Variants in SNTB1 observed in about 807,000 individuals in gnomAD.
The protein encoded by SNTB1 is beta-1-syntrophin.
Under a neutral mutation model 48.9 loss-of-function variants are expected in SNTB1, and 36 were observed. That is an observed-to-expected ratio of 0.74 (90% CI 0.56 to 0.97). SNTB1 has a LOEUF of 0.97. Among genes scored for constraint, SNTB1 ranks in the 50% least tolerant of loss-of-function variants. The probability of loss-of-function intolerance (pLI) is 0.00; values close to 1 mark genes in which losing one functional copy is unlikely to be tolerated. For synonymous variants in SNTB1, 299 were observed against 294.6 expected (o/e 1.01, Z -0.15); for missense variants, 786 against 703.4 (o/e 1.12, Z -1.33).
chr8:120,551,708 AGAGT>A (rs1471602158), intron 4 of SNTB1, among the ~76,000 whole-genome samples: 16 of 142,506 alleles, frequency 1.1e-4, no homozygotes, highest in Non-Finnish European at 2.1e-4. Context: ...CCTGAGCGAC[AGAGT>A]GAGACTCCAT....
Position 120,811,689 on chromosome 8 carries a change from T to C in SNTB1, c.155A>G (p.Glu52Gly). ...GATGCCGTTGTACGCCGCAGCGCCC[T>C]CCTCGCTGCTCAGAACCAGGGCGTC... ...SEDALVLSSE[E>G]GAAAYNGIGT... is the part of the protein sequence containing the mutation. Residue 52 changes from glutamate (E) to glycine (G), a missense_variant, in exon 1 of 7, where the codon GAG (glutamate) becomes GGG (glycine). Coordinates refer to ENST00000517992, the MANE Select transcript of SNTB1 (RefSeq NM_021021.4). The C allele has an allele frequency of 6.3e-7, 1 of 1,588,370 alleles. No individual in the cohort carries two copies. The highest frequency in any genetic ancestry group is 8.5e-7 in the Non-Finnish European group (1 of 1,171,450).
intron 1 of SNTB1, among the ~76,000 whole-genome samples, chr8:120,770,184 C>A (rs1819596572): frequency 2.0e-5 from 3 of 152,130 alleles, no homozygotes; most frequent in Admixed American, 2.0e-4. Flanking sequence ...GACTGTGATG[C>A]CTTCTCCTAT....
chr8:120,782,940 G>C (rs1819854128), intron 1 of SNTB1, among the ~76,000 whole-genome samples: 1 of 152,140 alleles, frequency 6.6e-6, no homozygotes, highest in Non-Finnish European at 1.5e-5. Context: ...TTCATGCACT[G>C]GTCTTTATAC....
At chr8:120,774,261 G>A (rs1819692629) in intron 1 of SNTB1, among the ~76,000 whole-genome samples, 1 of 152,206 alleles carries the variant, frequency 6.6e-6, no homozygotes, top group African/African-American at 2.4e-5. Flanking sequence ...GAGAAAAGAT[G>A]CAGAGGCATT....
chr8:120,564,117 A>G (rs1040109387), intron 4 of SNTB1, among the ~76,000 whole-genome samples: 1 of 151,850 alleles, frequency 6.6e-6, no homozygotes, highest in Non-Finnish European at 1.5e-5. Flanking sequence ...TCAAACAAAA[A>G]AAAAAAAAAA....
At chr8:120,649,587 A>C in intron 2 of SNTB1, among the ~76,000 whole-genome samples, 1 of 143,522 alleles carries the variant, frequency 7.0e-6, no homozygotes. Flanking sequence ...AGACAGGGAC[A>C]TTTAAGTCTG....
At position 120,720,531 on chromosome 8, in the gene SNTB1, C is replaced by T. The variant is rs117661236; in HGVS notation, c.572-26623G>A. ...TTCAATTACTGGCTCAAGTGGACAA[C>T]TCAAATTACCGGCTTTCCCTTTCTG... On this transcript the variant is annotated intron_variant, in intron 1 of 6. Coordinates refer to ENST00000517992, the MANE Select transcript of SNTB1 (RefSeq NM_021021.4). Among the ~76,000 whole-genome samples the T allele has an allele frequency of 1.6e-4, 24 of 152,302 alleles. No homozygotes were observed. In the East Asian group the frequency reaches 4.4e-3, roughly 28 times the overall value.
At chr8:120,738,531 C>CCCTT (rs751258128) in intron 1 of SNTB1, among the ~76,000 whole-genome samples, 15 of 122,092 alleles carry the variant, frequency 1.2e-4, no homozygotes, top group Non-Finnish European at 2.0e-4. Flanking sequence ...CTACCTACCT[C>CCCTT]CCTTCCTTCC....
intron 2 of SNTB1, chr8:120,636,036 TA>T: frequency 1.0e-6 from 1 of 994,436 alleles, no homozygotes; most frequent in Non-Finnish European, 1.4e-6. Flanking sequence ...TACTGAGTTC[TA>T]AAGAACTCAA....
At chr8:120,566,320 A>G (rs1181212819) in intron 4 of SNTB1, among the ~76,000 whole-genome samples, 3 of 116,810 alleles carry the variant, frequency 2.6e-5, no homozygotes, top group Non-Finnish European at 5.0e-5. Flanking sequence ...CAAGAGCAAG[A>G]CTCTGTCTCA....
intron 3 of SNTB1, among the ~76,000 whole-genome samples, chr8:120,608,065 A>G (rs1450711355): frequency 1.3e-5 from 2 of 152,230 alleles, no homozygotes; most frequent in Non-Finnish European, 2.9e-5. Context: ...TATCATAAAC[A>G]TTGAACAGCG....
chr8:120,773,920 T>C (rs542364836), intron 1 of SNTB1, among the ~76,000 whole-genome samples: 88 of 152,372 alleles, frequency 5.8e-4, no homozygotes, highest in African/African-American at 2.1e-3. Flanking sequence ...TGCAATTTTC[T>C]ATGTAAAATT....
chr8:120,661,486 G>T (rs752331646), intron 2 of SNTB1, among the ~76,000 whole-genome samples: 1 of 151,988 alleles, frequency 6.6e-6, no homozygotes, highest in African/African-American at 2.4e-5. Flanking sequence ...AATTATTTTT[G>T]ATTTTTATTT....
intron 1 of SNTB1, among the ~76,000 whole-genome samples, chr8:120,742,095 T>G (rs1347348544): frequency 1.3e-5 from 2 of 152,164 alleles, no homozygotes; most frequent in African/African-American, 4.8e-5. Context: ...ATGGGCTGGA[T>G]GAACAACTGT....
intron 2 of SNTB1, among the ~76,000 whole-genome samples, chr8:120,676,653 C>A (rs114982356): frequency 6.6e-6 from 1 of 152,198 alleles, no homozygotes. Flanking sequence ...GTGTACTTCT[C>A]ACCCTATGAA....
At chr8:120,745,023 A>G (rs1241786117) in intron 1 of SNTB1, among the ~76,000 whole-genome samples, 1 of 151,768 alleles carries the variant, frequency 6.6e-6, no homozygotes, top group African/African-American at 2.4e-5. Context: ...GGCTTCATTA[A>G]CCAGTCTTGC....
chr8:120,719,869 C>T (rs1005045772), intron 1 of SNTB1, among the ~76,000 whole-genome samples: 2 of 152,200 alleles, frequency 1.3e-5, no homozygotes, highest in African/African-American at 4.8e-5. Flanking sequence ...TGAACCTAAC[C>T]TTTCTGTCTC....
intron 1 of SNTB1, among the ~76,000 whole-genome samples, chr8:120,808,930 A>G (rs775723726): frequency 6.6e-6 from 1 of 152,190 alleles, no homozygotes; most frequent in Non-Finnish European, 1.5e-5. Flanking sequence ...TGCTATATAA[A>G]TGTACCTTTA....
intron 3 of SNTB1, among the ~76,000 whole-genome samples, chr8:120,620,347 A>T (rs900016153): frequency 1.3e-5 from 2 of 152,072 alleles, no homozygotes; most frequent in African/African-American, 4.8e-5. Context: ...TCTTTTTTTT[A>T]TAGACACAAA....
Sources: gnomAD v4.1 joint callset for allele counts (sites outside exome capture counted in the v4.1 genomes callset) on GRCh38, gnomAD v4.1.1 for gene constraint, MANE v1.5 for transcripts, NCBI Gene and HGNC (gene_info 2026-07-23, HGNC 2026-07-21) for gene names.